The following TMC1 variants were observed in gnomAD, a reference collection of about 807,000 sequenced individuals.
The protein encoded by TMC1 is transmembrane channel like 1, also known as transmembrane channel-like protein 1.
Under a neutral mutation model 105.8 loss-of-function variants are expected in TMC1, and 84 were observed. That is an observed-to-expected ratio of 0.79 (90% CI 0.67 to 0.95). The LOEUF is 0.95. TMC1 is among the 40% of genes least tolerant of loss of function. The pLI is 0.00. For missense variants in TMC1, 817 were observed against 914.1 expected (o/e 0.89, Z 1.37); for synonymous variants, 315 against 311.5 (o/e 1.01, Z -0.12).
intron 2 of TMC1, among the ~76,000 whole-genome samples, chr9:72,611,004 G>A (rs2132119749): frequency 6.6e-6 from 1 of 152,260 alleles, no homozygotes; most frequent in Middle Eastern, 3.4e-3. Flanking sequence ...CTTACCTTGG[G>A]GTTTCAAGAC....
At chr9:72,702,384 G>A (rs994690274) in intron 8 of TMC1, among the ~76,000 whole-genome samples, 1 of 152,070 alleles carries the variant, frequency 6.6e-6, no homozygotes, top group Non-Finnish European at 1.5e-5. Flanking sequence ...CCATTTAATA[G>A]CTGTGCACAT....
At chr9:72,818,931 AAAT>A (rs898752807) in intron 19 of TMC1, among the ~76,000 whole-genome samples, 42 of 152,328 alleles carry the variant, frequency 2.8e-4, no homozygotes, top group African/African-American at 9.6e-4. Flanking sequence ...ATGTATACAC[AAAT>A]AATAAGCATA....
At chr9:72,815,520 T>C (rs1248054058) in intron 18 of TMC1, among the ~76,000 whole-genome samples, 1 of 152,224 alleles carries the variant, frequency 6.6e-6, no homozygotes, top group Non-Finnish European at 1.5e-5. Context: ...ATATAAAGTA[T>C]GACTATCTTG....
intron 10 of TMC1, among the ~76,000 whole-genome samples, chr9:72,747,743 C>T (rs1335328646): frequency 1.3e-5 from 2 of 152,038 alleles, no homozygotes; most frequent in African/African-American, 4.8e-5. Context: ...TTACAGGCTC[C>T]TGCCACTATG....
chr9:72,672,890 A>AACACT (rs1564482106), intron 5 of TMC1, among the ~76,000 whole-genome samples: 1 of 151,354 alleles, frequency 6.6e-6, no homozygotes, highest in East Asian at 1.9e-4. Context: ...ACACACACAC[A>AACACT]TCAGCTAAAA....
At chr9:72,666,865 CA>C (rs1826051845) in intron 5 of TMC1, among the ~76,000 whole-genome samples, 1 of 150,900 alleles carries the variant, frequency 6.6e-6, no homozygotes, top group Admixed American at 6.6e-5. Context: ...GCCTGGGCAG[CA>C]TAGGGAAATC....
intron 13 of TMC1, among the ~76,000 whole-genome samples, chr9:72,784,778 T>C (rs1311420429): frequency 1.7e-4 from 26 of 152,210 alleles, no homozygotes; most frequent in Admixed American, 1.7e-3. Context: ...AATTAAATTA[T>C]GTCTTTGCAG....
At chr9:72,647,793 C>T (rs1372925668) in intron 4 of TMC1, among the ~76,000 whole-genome samples, 1 of 152,048 alleles carries the variant, frequency 6.6e-6, no homozygotes, top group East Asian at 1.9e-4. Flanking sequence ...AACATTGCTT[C>T]CTCTTGCCAA....
chr9:72,698,818 A>AGG (rs1357508043), intron 7 of TMC1, among the ~76,000 whole-genome samples: 4 of 152,094 alleles, frequency 2.6e-5, no homozygotes, highest in Admixed American at 2.6e-4. Context: ...GAGGTGATGA[A>AGG]GCTGGTTCTG....
At chr9:72,756,367 TTTC>T (rs1283663483) in intron 12 of TMC1, among the ~76,000 whole-genome samples, 1 of 152,222 alleles carries the variant, frequency 6.6e-6, no homozygotes, top group African/African-American at 2.4e-5. Flanking sequence ...GTGGTTCTTA[TTTC>T]TTCTTAGGCG....
chr9:72,639,582 T>A (rs1166428158), intron 4 of TMC1, among the ~76,000 whole-genome samples: 2 of 152,174 alleles, frequency 1.3e-5, no homozygotes, highest in Non-Finnish European at 2.9e-5. Context: ...CCTGAAGTAA[T>A]CTATACATTT....
intron 17 of TMC1, among the ~76,000 whole-genome samples, chr9:72,802,493 A>G (rs1243009820): frequency 3.3e-5 from 5 of 152,224 alleles, no homozygotes; most frequent in African/African-American, 9.6e-5. Context: ...AGTATCTCAG[A>G]CAACAGAACA....
chr9:72,826,422 C>A (rs1216664956), intron 20 of TMC1, among the ~76,000 whole-genome samples: 1 of 152,080 alleles, frequency 6.6e-6, no homozygotes, highest in African/African-American at 2.4e-5. Context: ...GAAGCTATTG[C>A]GTGGAAAGAG....
At chr9:72,820,758 G>A in intron 19 of TMC1, 84 bp from the exon 20 acceptor site, 3 of 1,559,814 alleles carry the variant, frequency 1.9e-6, no homozygotes, top group Non-Finnish European at 2.6e-6. Context: ...TGGAAAAGAA[G>A]CATGATGTCA....
At chr9:72,786,276 C>T (rs1414732717) in intron 13 of TMC1, among the ~76,000 whole-genome samples, 1 of 152,226 alleles carries the variant, frequency 6.6e-6, no homozygotes, top group East Asian at 1.9e-4. Context: ...AACCTCGTCT[C>T]TACTAAAAAT....
chr9:72,819,721 C>A (rs907123080), intron 19 of TMC1, among the ~76,000 whole-genome samples: 3 of 152,078 alleles, frequency 2.0e-5, no homozygotes, highest in Admixed American at 2.0e-4. Context: ...CTATAATGAA[C>A]CAAATTTACG....
In TMC1 at chr9:72,694,678, G is replaced by C. The variant is rs1415801221; in HGVS notation, c.200G>C (p.Arg67Thr). ...GAGGATGAAGAAACAAGGAAGGCAA[G>C]AGAAAAAGAGAGGAGGAGGAGGCTA... ...EPEDEETRKA[R>T]EKERRRRLKR... The change falls in exon 7 of 24, where the codon AGA becomes ACA. Residue 67 changes from arginine to threonine, a missense_variant. Transcript: ENST00000297784. The C allele has an allele frequency of 6.2e-7, 1 of 1,611,464 alleles. No homozygotes were observed. The highest frequency in any genetic ancestry group is 1.1e-5 in the South Asian group (1 of 90,776).
chr9:72,523,941 C>G (rs1318822616), intron 1 of TMC1, among the ~76,000 whole-genome samples: 4 of 152,178 alleles, frequency 2.6e-5, no homozygotes, highest in Non-Finnish European at 5.9e-5. Flanking sequence ...ATCATGGGCT[C>G]TGAAATTGCA....
intron 10 of TMC1, among the ~76,000 whole-genome samples, chr9:72,751,104 C>G (rs2118053383): frequency 6.6e-6 from 1 of 152,350 alleles, no homozygotes; most frequent in East Asian, 1.9e-4. Flanking sequence ...CTCCTGTCAT[C>G]TACATCTATA....
Sources: allele counts gnomAD v4.1 joint callset (sites outside exome capture counted in the v4.1 genomes callset), GRCh38; gene constraint gnomAD v4.1.1; transcripts MANE v1.5; gene names NCBI Gene and HGNC (gene_info 2026-07-23, HGNC 2026-07-21).